The following PIWIL4 variants were observed in gnomAD, a reference collection of about 807,000 sequenced individuals.
PIWIL4 encodes piwi-like protein 4.
A neutral mutation model predicts 100.9 loss-of-function variants in PIWIL4; 50 were observed. That is an observed-to-expected ratio of 0.50 (90% CI 0.39 to 0.63). PIWIL4 has a LOEUF of 0.63. Ranked by LOEUF, PIWIL4 falls within the 20% of genes least tolerant of loss-of-function variation. The probability of loss-of-function intolerance (pLI) is 0.00; values close to 1 mark genes in which losing one functional copy is unlikely to be tolerated. For missense variants in PIWIL4, 887 were observed against 1,043.3 expected (o/e 0.85, Z 2.06); for synonymous variants, 342 against 367.5 (o/e 0.93, Z 0.79).
Position 94,589,675 on chromosome 11 carries a change from A to G in PIWIL4, c.1026+443A>G, listed in dbSNP as rs12284913. On this transcript the variant is annotated intron_variant, in intron 8 of 19. Transcript: ENST00000299001. ...CTCAGTTTCTCCCCTGTGCATTTTC[A>G]CACGTTGCTTCTTTTTCCTGGATAC... Among the ~76,000 whole-genome samples, 363 of 151,872 alleles carry G rather than the reference A, an allele frequency of 2.4e-3. 1 individual carries two copies. Among genetic ancestry groups the G allele is most frequent in the African/African-American group, 7.5e-3 (312 of 41,362 alleles).
In PIWIL4 at chr11:94,567,453, C is replaced by A; in HGVS notation, c.-66C>A. 1.4e-6 allele frequency: 2 copies of A among 1,383,588 alleles called. No homozygotes were observed. Among genetic ancestry groups the A allele is most frequent in the South Asian group, 1.5e-5 (1 of 67,736 alleles). The allele number at this position is 1,383,588 out of a possible 1,614,324, so 85.7% of individuals were successfully genotyped here. ...GCCGTCACACCGTCGCCATCTGTAG[C>A]CAAAGCAAAACATATCCTAACTGAG... On this transcript the variant is annotated 5_prime_UTR_variant, in exon 1 of 20. Transcript: ENST00000299001.
chr11:94,570,851 C>T (rs1435807207), intron 2 of PIWIL4, among the ~76,000 whole-genome samples: 2 of 152,098 alleles, frequency 1.3e-5, no homozygotes, highest in Admixed American at 1.3e-4. Context: ...GAGATTGCGC[C>T]CTTGCACTCC....
At chr11:94,588,767 G>C (rs1948439514) in intron 7 of PIWIL4, among the ~76,000 whole-genome samples, 1 of 152,186 alleles carries the variant, frequency 6.6e-6, no homozygotes, top group Non-Finnish European at 1.5e-5. Flanking sequence ...ACTCTTGAGT[G>C]ACACCAGAAG....
intron 3 of PIWIL4, among the ~76,000 whole-genome samples, chr11:94,576,805 T>C (rs1948244152): frequency 6.6e-6 from 1 of 152,226 alleles, no homozygotes; most frequent in East Asian, 1.9e-4. Context: ...ATATAACTTT[T>C]TCAGAATTTT....
chr11:94,588,480 C>T (rs1165577482), intron 7 of PIWIL4, among the ~76,000 whole-genome samples: 3 of 152,240 alleles, frequency 2.0e-5, no homozygotes, highest in African/African-American at 4.8e-5. Context: ...GATGGATTAG[C>T]TTATCACATT....
chr11:94,608,797 C>T (rs757608436), intron 15 of PIWIL4, 111 bp downstream of exon 15: 31 of 915,582 alleles, frequency 3.4e-5, no homozygotes, highest in Non-Finnish European at 5.4e-5. Context: ...TCATTTTAAA[C>T]ACCAACATTT....
intron 15 of PIWIL4, among the ~76,000 whole-genome samples, chr11:94,615,583 T>C (rs1948836636): frequency 6.6e-6 from 1 of 152,176 alleles, no homozygotes; most frequent in South Asian, 2.1e-4. Context: ...TTGGCAGCAT[T>C]CCTAATTGTG....
intron 1 of PIWIL4, 152 bp from the exon 2 acceptor site, chr11:94,568,578 C>G: frequency 3.5e-6 from 2 of 565,922 alleles, no homozygotes; most frequent in East Asian, 2.9e-5. Flanking sequence ...CTAGAATGGG[C>G]ACTCTCTTCT....
intron 12 of PIWIL4, among the ~76,000 whole-genome samples, chr11:94,602,818 CCTCTT>C (rs1948661567): frequency 6.6e-6 from 1 of 152,176 alleles, no homozygotes; most frequent in Non-Finnish European, 1.5e-5. Context: ...TTAGAACTCT[CCTCTT>C]ATCAAATCTG....
Position 94,567,585 on chromosome 11 carries a change from C to T in PIWIL4, c.67C>T (p.Arg23Cys), listed in dbSNP as rs746205490. Residue 23 changes from arginine (R) to cysteine (C), a missense_variant, in exon 1 of 20, where the codon CGC (arginine) becomes TGC (cysteine). Around this residue, in one of 2 missense-constraint regions of PIWIL4, gnomAD observed 146 missense variants for 113.4 expected, o/e 1.29. Transcript: ENST00000299001. ...CAGCCCCAGTGCCACAGAAGTGGGGCGCATCCAAGCCTCGCCATTGGTGTG... is the reference window on the plus strand; with the variant it reads ...CAGCCCCAGTGCCACAGAAGTGGGGTGCATCCAAGCCTCGCCATTGGTGTG... Reference protein sequence around the residue: ...ARSPSATEVGRIQASPLPRSV... With the variant: ...ARSPSATEVGCIQASPLPRSV... 7 of 1,604,986 alleles carry T rather than the reference C, an allele frequency of 4.4e-6. No homozygotes were observed. Among genetic ancestry groups the T allele is most frequent in the African/African-American group, 2.7e-5 (2 of 74,884 alleles).
At chr11:94,589,081 A>G (rs1948443411) in intron 7 of PIWIL4, 40 bp from the exon 8 acceptor site, 2 of 1,458,738 alleles carry the variant, frequency 1.4e-6, no homozygotes, top group South Asian at 1.2e-5. Flanking sequence ...CTTATGTTAG[A>G]TGATTAAAAA....
chr11:94,601,695 T>A, intron 11 of PIWIL4, 100 bp from the exon 12 acceptor site: 1 of 1,132,806 alleles, frequency 8.8e-7, no homozygotes, highest in Non-Finnish European at 1.3e-6. Flanking sequence ...CAAACTGTGT[T>A]AAACAGTTAT....
chr11:94,576,070 C>T (rs1487622423), intron 3 of PIWIL4, among the ~76,000 whole-genome samples: 1 of 152,196 alleles, frequency 6.6e-6, no homozygotes, highest in African/African-American at 2.4e-5. Flanking sequence ...TTCCTCACCA[C>T]CTTGGAGTCT....
intron 15 of PIWIL4, among the ~76,000 whole-genome samples, chr11:94,610,005 A>G (rs1948770697): frequency 1.3e-5 from 2 of 152,074 alleles, no homozygotes; most frequent in African/African-American, 4.8e-5. Flanking sequence ...TTATAACTGA[A>G]AGTTTGTACC....
chr11:94,598,432 C>T (rs1948587614), intron 11 of PIWIL4, among the ~76,000 whole-genome samples: 4 of 152,192 alleles, frequency 2.6e-5, no homozygotes. Context: ...AGACATAGTA[C>T]TTGGGGAGAG....
chr11:94,608,520 T>A (rs1948750111), intron 14 of PIWIL4, 63 bp from the exon 15 acceptor site: 6 of 1,432,216 alleles, frequency 4.2e-6, no homozygotes, highest in Non-Finnish European at 5.9e-6. Flanking sequence ...ACTTTCCTAT[T>A]AAACCATTGG....
intron 2 of PIWIL4, among the ~76,000 whole-genome samples, chr11:94,573,686 G>C (rs1413741972): frequency 6.6e-6 from 1 of 152,102 alleles, no homozygotes; most frequent in Non-Finnish European, 1.5e-5. Context: ...ACATTGTTAT[G>C]AACAGTGAAT....
chr11:94,586,795 A>G (rs966552946), intron 6 of PIWIL4, among the ~76,000 whole-genome samples: 1 of 152,200 alleles, frequency 6.6e-6, no homozygotes, highest in Non-Finnish European at 1.5e-5. Flanking sequence ...ACAAAGAATT[A>G]TCCAGTTCAA....
At position 94,593,585 on chromosome 11, in the gene PIWIL4, A is replaced by T; in HGVS notation, c.1094A>T (p.Asn365Ile). ...MLVSLLKKKR[N>I]DNSEAQLAHL... ...GTTAGTCTGTTAAAGAAGAAGAGAA[A>T]TGACAACAGTGAGGCTCAGCTCGCC... is the stretch of plus-strand genomic sequence containing the variant. The change falls in exon 9 of 20, where the codon AAT becomes ATT. Residue 365 changes from asparagine (N) to isoleucine (I), a missense_variant. Asn to Ile is a moderately radical substitution (Grantham distance 149, BLOSUM62 -3). Coordinates refer to ENST00000299001, the MANE Select transcript of PIWIL4 (RefSeq NM_152431.3). 6.2e-7 allele frequency: 1 copy of T among 1,614,060 alleles called. No homozygotes were observed. The highest frequency in any genetic ancestry group is 8.5e-7 in the Non-Finnish European group (1 of 1,179,936).
Sources: allele counts gnomAD v4.1 joint callset (sites outside exome capture counted in the v4.1 genomes callset), GRCh38; gene constraint gnomAD v4.1.1; regional missense constraint gnomAD v4.1.1; transcripts MANE v1.5; gene names NCBI Gene and HGNC (gene_info 2026-07-23, HGNC 2026-07-21).